The following TRPV5 variants were observed in gnomAD, a reference collection of about 807,000 sequenced individuals.
TRPV5 encodes the protein transient receptor potential cation channel subfamily V member 5.
Under a neutral mutation model 74.1 loss-of-function variants are expected in TRPV5, and 66 were observed. That is an observed-to-expected ratio of 0.89 (90% CI 0.73 to 1.09). TRPV5 has a LOEUF of 1.09. Among genes scored for constraint, TRPV5 ranks in the 50% least tolerant of loss-of-function variants. The probability of loss-of-function intolerance (pLI) is 0.00; values close to 1 mark genes in which losing one functional copy is unlikely to be tolerated. For synonymous variants in TRPV5, 399 were observed against 360.7 expected (o/e 1.11, Z -1.20); for missense variants, 936 against 930.4 (o/e 1.01, Z -0.08).
chr7:142,927,428 A>G (rs1796006800), intron 7 of TRPV5, among the ~76,000 whole-genome samples: 2 of 152,238 alleles, frequency 1.3e-5, no homozygotes, highest in African/African-American at 4.8e-5. Flanking sequence ...TTCTCATATT[A>G]CTATAAAGAA....
rs1164237108 is a variant in TRPV5, at chr7:142,929,152, A to C, written c.488-32T>G. ...ACACAGAGAGATCCATGGCAGGAGA[A>C]CGCAGGATGGCAGGATGGGGTGGGC... is the stretch of plus-strand genomic sequence containing the variant. On this transcript the variant is annotated intron_variant, in intron 4 of 14. Transcript: ENST00000265310. The C allele has an allele frequency of 2.5e-6, 4 of 1,609,796 alleles. No individual in the cohort carries two copies. In the South Asian group the frequency reaches 4.4e-5, roughly 18 times the overall value.
chr7:142,912,867 T>TCTAC lies in TRPV5; in HGVS notation c.1520-118_1520-117insGTAG, dbSNP rs1454501120. ...ATCTATCTATCTATCTATCTATCTA[T>TCTAC]CTATCTATCTATCTAAATACACTTG... On this transcript the variant is annotated intron_variant, in intron 12 of 14. Transcript: ENST00000265310. The TCTAC allele has an allele frequency of 5.6e-6, 6 of 1,070,990 alleles. No homozygotes were observed. The Admixed American group carries it at 1.0e-4, about 18-fold the overall frequency. The allele number at this position is 1,070,990 out of a possible 1,614,324, so 66.3% of individuals were successfully genotyped here.
chr7:142,915,078 A>G (rs1454523718), intron 10 of TRPV5, 32 bp from the exon 11 acceptor site: 1 of 1,607,562 alleles, frequency 6.2e-7, no homozygotes, highest in East Asian at 2.2e-5. Context: ...AGTGAGAGAC[A>G]AGCTGGAACT....
In TRPV5 at chr7:142,925,628, G is replaced by T. The variant is rs776927849; in HGVS notation, c.1023C>A (p.Ile341=). 75 of 1,614,084 alleles carry T rather than the reference G, an allele frequency of 4.6e-5. No homozygotes were observed. The highest frequency in any genetic ancestry group is 6.2e-5 in the Non-Finnish European group (73 of 1,180,040). ...ILAALYLLYM[I]CFTTCCVYRP... Reference sequence around the variant, plus strand: ...GGTAGACGCAGCACGTAGTAAAGCAGATCATGTAGAGCAGGTACAAGGCAG... The same window carrying T: ...GGTAGACGCAGCACGTAGTAAAGCATATCATGTAGAGCAGGTACAAGGCAG... Residue 341 remains isoleucine, a synonymous_variant, in exon 8 of 15, where the codon ATC becomes ATA. Transcript: ENST00000265310.
rs375090916 is a variant in TRPV5, at chr7:142,928,148, G to T, written c.849C>A (p.Ile283=). Residue 283 remains isoleucine, a synonymous_variant, in exon 7 of 15, where the codon ATC becomes ATA. Transcript: ENST00000265310. The part of the protein sequence containing the change: ...LTSILYDLTE[I]DSWGEELSFL... ...AGGACAGCTCCTCTCCCCAGGAGTC[G>T]ATCTCCGTGAGGTCGTAGAGAATGG... The T allele has an allele frequency of 5.3e-5, 86 of 1,614,148 alleles. 3 individuals are homozygous for T. Among genetic ancestry groups the T allele is most frequent in the South Asian group, 3.5e-4 (32 of 91,074 alleles).
Position 142,930,127 on chromosome 7 carries a change from C to A in TRPV5, c.280G>T (p.Ala94Ser). 1 of 1,614,224 alleles carries A rather than the reference C, an allele frequency of 6.2e-7. No individual in the cohort carries two copies. The highest frequency in any genetic ancestry group is 1.1e-5 in the South Asian group (1 of 91,088). ...HIAALYDNLEAALVLMEAAPE... is the reference protein window; with the variant it reads ...HIAALYDNLESALVLMEAAPE... ...GCAGCCTCCATCAGCACCAAGGCCG[C>A]CTCCAAGTTGTCATAGAGGGCTGCT... The change falls in exon 3 of 15, where the codon GCG (alanine) becomes TCG (serine). Residue 94 changes from alanine (A) to serine (S), a missense_variant. Physicochemically the swap from Ala to Ser is moderately conservative, Grantham distance 99. Coordinates refer to ENST00000265310, the MANE Select transcript of TRPV5 (RefSeq NM_019841.7).
At chr7:142,920,827 C>A (rs1000223360) in intron 8 of TRPV5, among the ~76,000 whole-genome samples, 1 of 152,228 alleles carries the variant, frequency 6.6e-6, no homozygotes, top group Admixed American at 6.5e-5. Context: ...CCTCACCTGG[C>A]AGCTTGCTGG....
rs778001795 is a variant in TRPV5, at chr7:142,909,441, C to T, written c.1895+49G>A. 2.4e-5 allele frequency: 38 copies of T among 1,598,848 alleles called. 1 individual carries two copies. The highest frequency in any genetic ancestry group is 1.2e-4 in the African/African-American group (9 of 74,688). On this transcript the variant is annotated intron_variant, in intron 14 of 14. Transcript: ENST00000265310. ...GACGCCTGTCGGTCACCCTTGCTTC[C>T]GTGGCCTTATACACATCTGCAGTTT...
Position 142,928,734 on chromosome 7 carries a change from C to T in TRPV5, c.719G>A (p.Gly240Asp). 6.2e-7 allele frequency: 1 copy of T among 1,614,144 alleles called. No homozygotes were observed. The change falls in exon 6 of 15, where the codon GGT becomes GAT. Residue 240 changes from glycine (G) to aspartate (D), a missense_variant. Physicochemically the swap from Gly to Asp is moderately conservative, Grantham distance 94. Transcript: ENST00000265310. ...QPLDLVPNHQ[G>D]LTPFKLAGVE... is the part of the protein sequence containing the mutation. ...TCCAGCCAGCTTGAAGGGGGTGAGA[C>T]CCTGGTGATTGGGCACAAGGTCCAG...
chr7:142,916,135 T>C (rs1795793412), intron 8 of TRPV5, among the ~76,000 whole-genome samples: 1 of 152,228 alleles, frequency 6.6e-6, no homozygotes, highest in South Asian at 2.1e-4. Context: ...CCAGAGTCAT[T>C]GTGAAGCTTA....
chr7:142,929,632 C>A, intron 3 of TRPV5, 67 bp from the exon 4 acceptor site: 2 of 1,585,092 alleles, frequency 1.3e-6, no homozygotes, highest in South Asian at 1.1e-5. Flanking sequence ...CACAGCATCC[C>A]CCACCATCCC....
At chr7:142,910,010 T>C (rs1415988933) in intron 13 of TRPV5, among the ~76,000 whole-genome samples, 3 of 152,206 alleles carry the variant, frequency 2.0e-5, no homozygotes, top group Non-Finnish European at 4.4e-5. Context: ...AAATTAAATA[T>C]CCACATCTTA....
chr7:142,931,017 A>ATTTTTTTTTT (rs35738386), intron 1 of TRPV5, among the ~76,000 whole-genome samples: 4 of 100,340 alleles, frequency 4.0e-5, no homozygotes, highest in Non-Finnish European at 7.3e-5. Flanking sequence ...CCCTCAGGCT[A>ATTTTTTTTTT]TTTTTTTTTT....
chr7:142,933,625 GCA>G lies in TRPV5; in HGVS notation c.-168_-167del. The G allele has an allele frequency of 1.1e-6, 1 of 884,890 alleles. No individual in the cohort carries two copies. The highest frequency in any genetic ancestry group is 1.7e-6 in the Non-Finnish European group (1 of 580,840). The allele number at this position is 884,890 out of a possible 1,614,324, so 54.8% of individuals were successfully genotyped here. A position where few individuals can be genotyped will look rare whatever the true frequency, so the allele number is the denominator to read the frequency against. On this transcript the variant is annotated 5_prime_UTR_variant, in exon 1 of 15. It removes an upstream start codon present in the reference 5' UTR. Transcript: ENST00000265310. The stretch of plus-strand genomic sequence containing the variant: ...ATGCAGCTTGTAGGTGTGTGTGTGT[GCA>G]TGCAGTATGTGGGTTGTGGGGTGTG...
chr7:142,915,247 T>C, intron 10 of TRPV5, 60 bp downstream of exon 10: 1 of 1,593,142 alleles, frequency 6.3e-7, no homozygotes, highest in South Asian at 1.1e-5. Context: ...GAGAGTGAGC[T>C]GGAGACAGGA....
Position 142,925,623 on chromosome 7 carries a change from A to T in TRPV5, c.1028T>A (p.Phe343Tyr). ...GGGGCGGTAGACGCAGCACGTAGTA[A>T]AGCAGATCATGTAGAGCAGGTACAA... The part of the protein sequence containing the change: ...AALYLLYMIC[F>Y]TTCCVYRPLK... The change falls in exon 8 of 15, where the codon TTT becomes TAT. Residue 343 changes from phenylalanine to tyrosine, a missense_variant. By Grantham distance (22) the Phe-to-Tyr change is conservative. Transcript: ENST00000265310. 6.2e-7 allele frequency: 1 copy of T among 1,614,204 alleles called. No individual in the cohort carries two copies. The highest frequency in any genetic ancestry group is 8.5e-7 in the Non-Finnish European group (1 of 1,180,042).
chr7:142,922,382 C>A (rs1467638991), intron 8 of TRPV5, among the ~76,000 whole-genome samples: 1 of 152,066 alleles, frequency 6.6e-6, no homozygotes, highest in African/African-American at 2.4e-5. Context: ...AACAGTAATC[C>A]GGGAATCTAA....
intron 7 of TRPV5, among the ~76,000 whole-genome samples, chr7:142,927,264 G>A (rs1003870443): frequency 9.2e-5 from 14 of 152,168 alleles, no homozygotes; most frequent in Middle Eastern, 3.4e-3. Context: ...CAACTATTAC[G>A]GCATATGTCA....
intron 7 of TRPV5, among the ~76,000 whole-genome samples, chr7:142,926,981 C>CT (rs1165984369): frequency 6.6e-6 from 1 of 152,226 alleles, no homozygotes; most frequent in Non-Finnish European, 1.5e-5. Context: ...TCTTGGCACT[C>CT]TCATGGAACG....
Sources: allele counts gnomAD v4.1 joint callset (sites outside exome capture counted in the v4.1 genomes callset), GRCh38; gene constraint gnomAD v4.1.1; transcripts MANE v1.5; gene names NCBI Gene and HGNC (gene_info 2026-07-23, HGNC 2026-07-21).